Variants in ARMC2 observed in about 807,000 individuals in gnomAD.
ARMC2 encodes armadillo repeat-containing protein 2.
ARMC2 carries 67 observed loss-of-function variants against 90.3 expected under a neutral mutation model. The ratio of observed to expected loss-of-function variants is 0.74; its 90% confidence interval spans 0.61 to 0.91. ARMC2 has a LOEUF of 0.91. Ranked by LOEUF, ARMC2 falls within the 40% of genes least tolerant of loss-of-function variation. The pLI, the probability that ARMC2 is intolerant of heterozygous loss-of-function variation, is 0.00. For synonymous variants in ARMC2, 393 were observed against 393.0 expected, an observed-to-expected ratio of 1.00 and a Z score of 0.00; for missense variants, 920 against 1,030.9, an observed-to-expected ratio of 0.89 and a Z score of 1.47.
In ARMC2 at chr6:108,928,130, A is replaced by AGAAGTAAGTTCCTAC. The variant is rs775696634; in HGVS notation, c.1407_1408insCGAAGTAAGTTCCTA (p.Arg465_Leu469dup). ...AAACTTGGTTGATTCATCATTAGTA[A>AGAAGTAAGTTCCTAC]GAAGTAAGTTCCTAAACATCAGTGC... On this transcript the variant is annotated inframe_insertion, in exon 11 of 18. Coordinates refer to ENST00000392644, the MANE Select transcript of ARMC2 (RefSeq NM_032131.6). The AGAAGTAAGTTCCTAC allele has an allele frequency of 2.0e-5, 33 of 1,613,234 alleles. No individual in the cohort carries two copies. The Middle Eastern group carries it at 3.8e-3, about 186-fold the overall frequency.
intron 2 of ARMC2, among the ~76,000 whole-genome samples, chr6:108,855,349 C>T (rs537948411): frequency 1.3e-5 from 2 of 151,350 alleles, no homozygotes; most frequent in East Asian, 1.9e-4. Flanking sequence ...CCCGGGTTCA[C>T]GCCATTCTCC....
intron 1 of ARMC2, among the ~76,000 whole-genome samples, chr6:108,851,082 T>C (rs1028133981): frequency 1.3e-5 from 2 of 152,228 alleles, no homozygotes; most frequent in African/African-American, 2.4e-5. Flanking sequence ...ATGTTGTATT[T>C]GATCTGCTCA....
intron 6 of ARMC2, among the ~76,000 whole-genome samples, chr6:108,899,210 A>G (rs1771890776): frequency 6.6e-6 from 1 of 152,196 alleles, no homozygotes; most frequent in Non-Finnish European, 1.5e-5. Context: ...GCTACACCAC[A>G]CAAAATCACT....
intron 2 of ARMC2, among the ~76,000 whole-genome samples, chr6:108,857,682 G>A (rs572583484): frequency 2.6e-5 from 4 of 152,268 alleles, no homozygotes; most frequent in African/African-American, 9.6e-5. Flanking sequence ...AGTTTGCTAA[G>A]AATTTTTATT....
chr6:108,965,778 G>A (rs1359464039), intron 17 of ARMC2, among the ~76,000 whole-genome samples: 2 of 151,728 alleles, frequency 1.3e-5, no homozygotes, highest in African/African-American at 4.8e-5. Context: ...TCAAGTAGCT[G>A]GGACTACAGA....
At chr6:108,998,475 A>C in the ARMC2 span, 1 of 1,608,538 alleles carries the variant, frequency 6.2e-7, no homozygotes, top group Non-Finnish European at 8.5e-7. Context: ...AATTATTGTG[A>C]TTAGTTTTAT....
intron 5 of ARMC2, 72 bp downstream of exon 5, chr6:108,876,422 A>G (rs1042252726): frequency 1.0e-5 from 15 of 1,460,608 alleles, no homozygotes; most frequent in Non-Finnish European, 1.4e-5. Context: ...TCTATTTTAT[A>G]TAGATGATTG....
chr6:108,918,604 T>C (rs1002365382), intron 10 of ARMC2, among the ~76,000 whole-genome samples: 1 of 152,156 alleles, frequency 6.6e-6, no homozygotes, highest in Non-Finnish European at 1.5e-5. Flanking sequence ...CCCTGGACAA[T>C]GCTGGGGCAG....
At chr6:108,894,307 A>C (rs1350721675) in intron 5 of ARMC2, among the ~76,000 whole-genome samples, 160 bp from the exon 6 acceptor site, 2 of 152,260 alleles carry the variant, frequency 1.3e-5, no homozygotes, top group Non-Finnish European at 2.9e-5. Context: ...TTGAGGCTGC[A>C]GTGAGCTATG....
At chr6:108,990,011 T>C in the ARMC2 span, among the ~76,000 whole-genome samples, 9 of 152,314 alleles carry the variant, frequency 5.9e-5, no homozygotes, top group Middle Eastern at 3.4e-3. Context: ...GTAGATTAAA[T>C]AGGGTTTGTA....
the ARMC2 span, among the ~76,000 whole-genome samples, chr6:109,006,922 G>T: frequency 1.3e-5 from 2 of 152,252 alleles, no homozygotes; most frequent in Admixed American, 1.3e-4. Flanking sequence ...TACAGACTTT[G>T]AACAAATTTT....
rs139070233 is a variant in ARMC2, at chr6:108,940,317, A to G, written c.1596+3318A>G. The stretch of plus-strand genomic sequence containing the variant: ...GAGTGAGGTTAACTGCGGAGGTTTA[A>G]TAGGCAAAAGAGAGAGGAGAACAGC... On this transcript the variant is annotated intron_variant, in intron 12 of 17. Coordinates refer to ENST00000392644, the MANE Select transcript of ARMC2 (RefSeq NM_032131.6). Among the ~76,000 whole-genome samples the G allele has an allele frequency of 7.1e-4, 108 of 152,296 alleles. 1 individual carries two copies. Among genetic ancestry groups the G allele is most frequent in the African/African-American group, 2.5e-3 (105 of 41,570 alleles).
intron 2 of ARMC2, among the ~76,000 whole-genome samples, chr6:108,854,987 G>T (rs1251181955): frequency 1.3e-5 from 2 of 152,188 alleles, no homozygotes; most frequent in African/African-American, 4.8e-5. Flanking sequence ...GGAATATACA[G>T]TATGTCACCT....
chr6:108,929,578 C>T (rs1030817259), intron 11 of ARMC2, among the ~76,000 whole-genome samples: 21 of 152,160 alleles, frequency 1.4e-4, no homozygotes, highest in Admixed American at 5.2e-4. Flanking sequence ...CAGGCTTAAA[C>T]GATCGATCCT....
chr6:108,880,773 C>T (rs1221545253), intron 5 of ARMC2, among the ~76,000 whole-genome samples: 1 of 26,666 alleles, frequency 3.8e-5, no homozygotes, highest in Non-Finnish European at 1.6e-4. Context: ...CCGTTCCCTT[C>T]CCTCTCCTTC....
the ARMC2 span, chr6:108,987,746 C>A: frequency 1.9e-6 from 1 of 526,868 alleles, no homozygotes; most frequent in Non-Finnish European, 3.4e-6. Context: ...CTATGTAGTA[C>A]AGCATAACTT....
chr6:109,039,051 A>G, the ARMC2 span, among the ~76,000 whole-genome samples: 4 of 132,846 alleles, frequency 3.0e-5, no homozygotes, highest in South Asian at 2.5e-4. Flanking sequence ...AAGGAGGGAG[A>G]AGGAGAACAA....
the ARMC2 span, among the ~76,000 whole-genome samples, chr6:109,051,172 A>C: frequency 6.7e-3 from 1,017 of 152,150 alleles, 10 homozygotes; most frequent in African/African-American, 0.023. Flanking sequence ...ACAAAAAAAA[A>C]CTCATTTCAG....
At chr6:108,944,125 A>T in intron 12 of ARMC2, among the ~76,000 whole-genome samples, 1 of 152,218 alleles carries the variant, frequency 6.6e-6, no homozygotes, top group Non-Finnish European at 1.5e-5. Context: ...ATAAAACCTC[A>T]AAAGATTTTA....
Sources: allele counts gnomAD v4.1 joint callset (sites outside exome capture counted in the v4.1 genomes callset), GRCh38; gene constraint gnomAD v4.1.1; transcripts MANE v1.5; gene names NCBI Gene and HGNC (gene_info 2026-07-23, HGNC 2026-07-21).